The following GOLGA2 variants were observed in gnomAD, a reference collection of about 807,000 sequenced individuals.
GOLGA2 encodes the protein golgin subfamily A member 2.
GOLGA2 carries 49 observed loss-of-function variants against 148.8 expected under a neutral mutation model. The ratio of observed to expected loss-of-function variants is 0.33; its 90% CI spans 0.26 to 0.42. The LOEUF (loss-of-function observed/expected upper bound fraction) is 0.42. GOLGA2 is among the 10% of genes least tolerant of loss of function. The pLI is 1.00. For missense variants in GOLGA2, 1,178 were observed against 1,304.6 expected, an observed-to-expected ratio of 0.90 and a Z score of 1.49; for synonymous variants, 501 against 511.8, an observed-to-expected ratio of 0.98 and a Z score of 0.28.
At chr9:128,274,217 G>A (rs535724998) in intron 1 of GOLGA2, among the ~76,000 whole-genome samples, 37 of 152,294 alleles carry the variant, frequency 2.4e-4, no homozygotes, top group Admixed American at 5.2e-4. Context: ...CAAATCAGCA[G>A]CTGCCAGGGG....
chr9:128,268,088 A>T (rs1187183741), intron 5 of GOLGA2, 29 bp downstream of exon 5: 1 of 1,609,144 alleles, frequency 6.2e-7, no homozygotes, highest in African/African-American at 1.3e-5. Flanking sequence ...CTCAGCCTAG[A>T]GACTGCTGCC....
chr9:128,268,365 G>T, intron 4 of GOLGA2, 55 bp downstream of exon 4: 1 of 1,103,134 alleles, frequency 9.1e-7, no homozygotes, highest in Non-Finnish European at 1.4e-6. Flanking sequence ...GAAAGGAGAA[G>T]ATAATGCATA....
chr9:128,260,289 G>T lies in GOLGA2; in HGVS notation c.1759-100C>A, dbSNP rs1382419823. 11 of 1,199,346 alleles carry T rather than the reference G, an allele frequency of 9.2e-6. No individual in the cohort carries two copies. The allele number at this position is 1,199,346 out of a possible 1,614,324, so 74.3% of individuals were successfully genotyped here. A position where few individuals can be genotyped will look rare whatever the true frequency, so the allele number is the denominator to read the frequency against. On this transcript the variant is annotated intron_variant, in intron 18 of 26. Coordinates refer to ENST00000611957, the MANE Select transcript of GOLGA2 (RefSeq NM_001366244.2). The surrounding 1 kb of genome is among the most constrained non-coding windows in gnomAD (Gnocchi z 4.8). Reference sequence around the variant, plus strand: ...TCCCATGGCACCGGGAAGGGTGGAGGCAGGTTAGAAAAATCATCCCCTCTC... The same window carrying T: ...TCCCATGGCACCGGGAAGGGTGGAGTCAGGTTAGAAAAATCATCCCCTCTC...
Position 128,260,742 on chromosome 9 carries a change from G to A in GOLGA2, c.1481C>T (p.Ala494Val), listed in dbSNP as rs548612397. Residue 494 changes from alanine (A) to valine (V), a missense_variant, in exon 18 of 27, where the codon GCG becomes GTG. By Grantham distance (64) the Ala-to-Val change is moderately conservative. Around this residue, in one of 5 missense-constraint regions of GOLGA2, gnomAD observed 529 missense variants for 521.8 expected, o/e 1.01. Transcript: ENST00000611957. This position sits in a 1 kb window ranked among gnomAD's most constrained non-coding sequence, Gnocchi z 4.8. ...CTCCTTCCGCAGGTGCTCAGCCTCC[G>A]CTTGTAGCTGCTGCTCCACCTCGGA... ...GPSEVEQQLQ[A>V]EAEHLRKELE... The A allele has an allele frequency of 4.5e-5, 73 of 1,612,844 alleles. No individual in the cohort carries two copies. Among genetic ancestry groups the A allele is most frequent in the Middle Eastern group, 3.5e-4 (2 of 5,794 alleles).
intron 4 of GOLGA2, 71 bp downstream of exon 4, chr9:128,268,349 G>C (rs1465109966): frequency 1.8e-5 from 19 of 1,068,756 alleles, no homozygotes; most frequent in Non-Finnish European, 2.8e-5. Context: ...GGAACAAGCT[G>C]CCTGTGAAAG....
Position 128,258,396 on chromosome 9 carries a change from G to T in GOLGA2, c.2289+59C>A. 1 of 1,435,796 alleles carries T rather than the reference G, an allele frequency of 7.0e-7. No individual in the cohort carries two copies. The highest frequency in any genetic ancestry group is 9.8e-7 in the Non-Finnish European group (1 of 1,019,612). 88.9% of individuals were successfully genotyped at this position (1,435,796 alleles called of 1,614,324 possible). ...GGCCGGGAAACCAAGAGCAGAAGGG[G>T]GTCTGGGAGGGACCACAGAGGGAGG... On this transcript the variant is annotated intron_variant, in intron 22 of 26. Coordinates refer to ENST00000611957, the MANE Select transcript of GOLGA2 (RefSeq NM_001366244.2). This position sits in a 1 kb window ranked among gnomAD's most constrained non-coding sequence, Gnocchi z 6.6.
At position 128,260,143 on chromosome 9, in the gene GOLGA2, T is replaced by C. The variant is rs775404277; in HGVS notation, c.1805A>G (p.His602Arg). Residue 602 changes from histidine (H) to arginine (R), a missense_variant, in exon 19 of 27, where the codon CAC becomes CGC. Coordinates refer to ENST00000611957, the MANE Select transcript of GOLGA2 (RefSeq NM_001366244.2). The surrounding 1 kb of genome is among the most constrained non-coding windows in gnomAD (Gnocchi z 4.8). ...EITSALQSEQ[H>R]VKRELGKKLG... ...CTTCTTTCCCAGCTCCCTCTTGACG[T>C]GCTGCTCCGACTGCAGTGCGCTGGT... 2.5e-6 allele frequency: 4 copies of C among 1,610,730 alleles called. No homozygotes were observed. Among genetic ancestry groups the C allele is most frequent in the Non-Finnish European group, 3.4e-6 (4 of 1,179,894 alleles).
chr9:128,261,856 G>C lies in GOLGA2; in HGVS notation c.1135-99C>G. 1 of 726,410 alleles carries C rather than the reference G, an allele frequency of 1.4e-6. No homozygotes were observed. The highest frequency in any genetic ancestry group is 1.5e-5 in the South Asian group (1 of 66,178). The allele number at this position is 726,410 out of a possible 1,614,324, so 45.0% of individuals were successfully genotyped here. A position where few individuals can be genotyped will look rare whatever the true frequency, so the allele number is the denominator to read the frequency against. ...AGGGCTAGGCTCAATGTGCAACTCA[G>C]TCAATACAACTCTGCTGTCAAGTTT... On this transcript the variant is annotated intron_variant, in intron 14 of 26. Transcript: ENST00000611957. The surrounding 1 kb of genome is among the most constrained non-coding windows in gnomAD (Gnocchi z 5.7).
chr9:128,258,526 C>G lies in GOLGA2; in HGVS notation c.2218G>C (p.Glu740Gln). 1 of 1,593,176 alleles carries G rather than the reference C, an allele frequency of 6.3e-7. No homozygotes were observed. The highest frequency in any genetic ancestry group is 8.5e-7 in the Non-Finnish European group (1 of 1,170,136). ...TGAGGTACTGCCACCGCCTCCTCCT[C>G]CTCCTCCTCCTCATCCTCCTCCTCC... is the stretch of plus-strand genomic sequence containing the variant. ...REEEEDEEEE[E>Q]EEAVAVPQPM... Residue 740 changes from glutamate to glutamine, a missense_variant, in exon 22 of 27, where the codon GAG becomes CAG. Glu to Gln is a conservative substitution (Grantham distance 29). Transcript: ENST00000611957. The surrounding 1 kb of genome is among the most constrained non-coding windows in gnomAD (Gnocchi z 6.6).
chr9:128,275,335 AG>A, intron 1 of GOLGA2: 1 of 1,122,290 alleles, frequency 8.9e-7, no homozygotes, highest in Non-Finnish European at 1.2e-6. Flanking sequence ...TACGGTTCCG[AG>A]GGGGATTGTG....
chr9:128,274,189 A>C (rs1455533460), intron 1 of GOLGA2, among the ~76,000 whole-genome samples: 2 of 152,202 alleles, frequency 1.3e-5, no homozygotes, highest in African/African-American at 4.8e-5. Flanking sequence ...TCTGACTCCA[A>C]GCTCTGGGGT....
Position 128,268,404 on chromosome 9 carries a change from G to A in GOLGA2, c.393+16C>T, listed in dbSNP as rs1484663510. 1.4e-6 allele frequency: 2 copies of A among 1,404,412 alleles called. No individual in the cohort carries two copies. Among genetic ancestry groups the A allele is most frequent in the African/African-American group, 1.4e-5 (1 of 70,874 alleles). The allele number at this position is 1,404,412 out of a possible 1,614,324, so 87.0% of individuals were successfully genotyped here. The stretch of plus-strand genomic sequence containing the variant: ...GGTACAGGAGGGCAGTGGGCAGAGG[G>A]GGAGGAGGCACGAACCTGAGATGCC... On this transcript the variant is annotated intron_variant, in intron 4 of 26. Transcript: ENST00000611957.
In GOLGA2 at chr9:128,260,538, A is replaced by C. The variant is rs1307829655; in HGVS notation, c.1685T>G (p.Ile562Ser). The change falls in exon 18 of 27, where the codon ATC (isoleucine) becomes AGC (serine). Residue 562 changes from isoleucine to serine, a missense_variant. By Grantham distance (142) the Ile-to-Ser change is moderately radical. Around this residue, in one of 5 missense-constraint regions of GOLGA2, gnomAD observed 529 missense variants for 521.8 expected, o/e 1.01. Transcript: ENST00000611957. This position sits in a 1 kb window ranked among gnomAD's most constrained non-coding sequence, Gnocchi z 4.8. ...CCGGTTCTGGGAGAGTGCGCGGCTG[A>C]TGGTAGTGCGGTCGTTCTGCATGGT... Reference protein sequence around the residue: ...LETMQNDRTTISRALSQNREL... With the variant: ...LETMQNDRTTSSRALSQNREL... The C allele has an allele frequency of 5.6e-6, 9 of 1,613,214 alleles. No individual in the cohort carries two copies. Among genetic ancestry groups the C allele is most frequent in the Non-Finnish European group, 7.6e-6 (9 of 1,180,010 alleles).
Position 128,266,210 on chromosome 9 carries a change from C to T in GOLGA2, c.681+77G>A, listed in dbSNP as rs1286346451. On this transcript the variant is annotated intron_variant, in intron 9 of 26. Transcript: ENST00000611957. This position sits in a 1 kb window ranked among gnomAD's most constrained non-coding sequence, Gnocchi z 4.2. ...TTCCCCAGGCTGGGAGTGGGTGAGACGAGACTGAGGCCTCTACATTTGAAT... is the reference window on the plus strand; with the variant it reads ...TTCCCCAGGCTGGGAGTGGGTGAGATGAGACTGAGGCCTCTACATTTGAAT... 1.1e-5 allele frequency: 16 copies of T among 1,416,862 alleles called. No individual in the cohort carries two copies. Among genetic ancestry groups the T allele is most frequent in the Middle Eastern group, 1.7e-4 (1 of 5,732 alleles). The allele number at this position is 1,416,862 out of a possible 1,614,324, so 87.8% of individuals were successfully genotyped here.
rs1425099806 is a variant in GOLGA2 at position 128,258,064 on chromosome 9, TG to T, written c.2423del (p.Ala808GlufsTer42). 6.2e-7 allele frequency: 1 copy of T among 1,611,356 alleles called. No homozygotes were observed. Among genetic ancestry groups the T allele is most frequent in the African/African-American group, 1.3e-5 (1 of 74,892 alleles). On this transcript the variant is annotated frameshift_variant, in exon 23 of 27. Coordinates refer to ENST00000611957, the MANE Select transcript of GOLGA2 (RefSeq NM_001366244.2). LOFTEE classifies it high-confidence loss of function. The surrounding 1 kb of genome is among the most constrained non-coding windows in gnomAD (Gnocchi z 6.6). ...LLASAQKEPEAAAPAPGTGGD... is the reference protein window; with the variant it reads ...LLASAQKEPEXAAPAPGTGGD... ...CCCCGGTCCCTGGGGCTGGGGCTGCTGCCTCAGGCTCCTTCTGGGCCGAGGC... is the reference window on the plus strand; with the variant it reads ...CCCCGGTCCCTGGGGCTGGGGCTGCTCCTCAGGCTCCTTCTGGGCCGAGGC...
intron 1 of GOLGA2, among the ~76,000 whole-genome samples, chr9:128,274,294 T>C (rs1564370164): frequency 6.6e-6 from 1 of 152,084 alleles, no homozygotes; most frequent in Non-Finnish European, 1.5e-5. Flanking sequence ...CACTTAGGGA[T>C]TGGGTCCTAA....
At chr9:128,274,192 T>TCTGG (rs1831155147) in intron 1 of GOLGA2, among the ~76,000 whole-genome samples, 1 of 152,124 alleles carries the variant, frequency 6.6e-6, no homozygotes. Context: ...GACTCCAAGC[T>TCTGG]CTGGGGTTTT....
Position 128,257,104 on chromosome 9 carries a change from G to C in GOLGA2, c.3053C>G (p.Ala1018Gly). 1 of 1,614,028 alleles carries C rather than the reference G, an allele frequency of 6.2e-7. No individual in the cohort carries two copies. The highest frequency in any genetic ancestry group is 8.5e-7 in the Non-Finnish European group (1 of 1,179,952). ...SNPCIPFFYRADENDEVKITV... is the reference protein window; with the variant it reads ...SNPCIPFFYRGDENDEVKITV... Reference sequence around the variant, plus strand: ...GATCTTCACCTCATCATTCTCGTCAGCCCGGTAAAAAAAAGGAATGCAGGG... The same window carrying C: ...GATCTTCACCTCATCATTCTCGTCACCCCGGTAAAAAAAAGGAATGCAGGG... Residue 1018 changes from alanine to glycine, a missense_variant, in exon 27 of 27, where the codon GCT (alanine) becomes GGT (glycine). By Grantham distance (60) the Ala-to-Gly change is moderately conservative (BLOSUM62 0). This residue lies in a region of GOLGA2 where 149 missense variants were observed against 154.9 expected (regional missense o/e 0.96). Coordinates refer to ENST00000611957, the MANE Select transcript of GOLGA2 (RefSeq NM_001366244.2). This position sits in a 1 kb window ranked among gnomAD's most constrained non-coding sequence, Gnocchi z 8.0.
At position 128,259,329 on chromosome 9, in the gene GOLGA2, G is replaced by T. The variant is rs781676920; in HGVS notation, c.1935C>A (p.His645Gln). Residue 645 changes from histidine to glutamine, a missense_variant, in exon 20 of 27, where the codon CAC becomes CAA. Coordinates refer to ENST00000611957, the MANE Select transcript of GOLGA2 (RefSeq NM_001366244.2). ...GATAGGCGGCCACATACTGCTGCAG[G>T]TGTCCCAGGTACTGGTCTCGCTGCT... ...LQQQRDQYLGHLQQYVAAYQQ... is the reference protein window; with the variant it reads ...LQQQRDQYLGQLQQYVAAYQQ... 2 of 1,609,658 alleles carry T rather than the reference G, an allele frequency of 1.2e-6. No homozygotes were observed. The highest frequency in any genetic ancestry group is 1.7e-6 in the Non-Finnish European group (2 of 1,178,642).
Sources: gnomAD v4.1 joint callset for allele counts (sites outside exome capture counted in the v4.1 genomes callset) on GRCh38, gnomAD v4.1.1 for gene constraint, gnomAD v4.1.1 regional missense constraint, Gnocchi (gnomAD v3.1) non-coding constraint, MANE v1.5 for transcripts, NCBI Gene and HGNC (gene_info 2026-07-23, HGNC 2026-07-21) for gene names.